Variants in KDM6B observed in about 807,000 individuals in gnomAD.
KDM6B encodes the protein lysine-specific demethylase 6B.
A neutral mutation model predicts 150.4 loss-of-function variants in KDM6B; 22 were observed. The ratio of observed to expected loss-of-function variants is 0.15; its 90% confidence interval spans 0.10 to 0.21. The LOEUF is 0.21. Ranked by LOEUF, KDM6B falls within the 10% of genes least tolerant of loss-of-function variation. The pLI, the probability that KDM6B is intolerant of heterozygous loss-of-function variation, is 1.00. For synonymous variants in KDM6B, 1,148 were observed against 921.1 expected, an observed-to-expected ratio of 1.25 and a Z score of -4.46; for missense variants, 1,984 against 2,234.3, an observed-to-expected ratio of 0.89 and a Z score of 2.26.
intron 1 of KDM6B, among the ~76,000 whole-genome samples, chr17:7,838,588 A>G (rs561298264): frequency 1.3e-4 from 13 of 102,730 alleles, no homozygotes; most frequent in Non-Finnish European, 2.6e-4. Context: ...TCTGTTGTCC[A>G]GACACCCCTC....
chr17:7,845,907 C>G lies in KDM6B; in HGVS notation c.173C>G (p.Ala58Gly), dbSNP rs200483669. ...AGCATTGGGCAGCCCCCGCTTCCTG[C>G]TCCCCTACCCCCTTCACATGGCAGT... ...SASIGQPPLPAPLPPSHGSSS... is the reference protein window; with the variant it reads ...SASIGQPPLPGPLPPSHGSSS... Residue 58 changes from alanine (A) to glycine (G), a missense_variant, in exon 6 of 24, where the codon GCT becomes GGT. By Grantham distance (60) the Ala-to-Gly change is moderately conservative. Around this residue, in one of 13 missense-constraint regions of KDM6B, gnomAD observed 337 missense variants for 323.9 expected, o/e 1.04. Coordinates refer to ENST00000448097, the MANE Select transcript of KDM6B (RefSeq NM_001348716.2). The G allele has an allele frequency of 4.3e-6, 7 of 1,614,106 alleles. No individual in the cohort carries two copies. The Admixed American group carries it at 1.2e-4, about 27-fold the overall frequency.
intron 1 of KDM6B, among the ~76,000 whole-genome samples, chr17:7,836,151 G>A (rs2078330566): frequency 6.6e-6 from 1 of 152,256 alleles, no homozygotes; most frequent in Admixed American, 6.5e-5. Flanking sequence ...GCGGAGGAGG[G>A]CACTGCGGGG....
In KDM6B at chr17:7,844,991, G is replaced by GATTAGTT; in HGVS notation, c.-178_-177insATTAGTT. On this transcript the variant is annotated 5_prime_UTR_variant, in exon 3 of 24. Transcript: ENST00000448097. This position sits in a 1 kb window ranked among gnomAD's most constrained non-coding sequence, Gnocchi z 5.9. ...GGCCAGATCTCTGGAGCTTGCCGACGCGGTGTGAGGACGCTCCCACGGAGG... is the reference window on the plus strand; with the variant it reads ...GGCCAGATCTCTGGAGCTTGCCGACGATTAGTTCGGTGTGAGGACGCTCCCACGGAGG... The GATTAGTT allele has an allele frequency of 5.4e-6, 1 of 183,582 alleles. No individual in the cohort carries two copies. Among genetic ancestry groups the GATTAGTT allele is most frequent in the Non-Finnish European group, 1.2e-5 (1 of 84,058 alleles). The allele number at this position is 183,582 out of a possible 1,614,324, so 11.4% of individuals were successfully genotyped here.
chr17:7,849,570 A>C lies in KDM6B; in HGVS notation c.3282A>C (p.Ser1094=), dbSNP rs539166195. 2 of 1,612,774 alleles carry C rather than the reference A, an allele frequency of 1.2e-6. No individual in the cohort carries two copies. The highest frequency in any genetic ancestry group is 1.7e-6 in the Non-Finnish European group (2 of 1,179,978). The change falls in exon 12 of 24, where the codon TCA becomes TCC. Residue 1094 remains serine (S), a synonymous_variant. Coordinates refer to ENST00000448097, the MANE Select transcript of KDM6B (RefSeq NM_001348716.2). ...GGGCCGACATGCTGAAGCTGCGCTC[A>C]CTTAGTGAGGGGCCCCCCAAGGAGC... The part of the protein sequence containing the change: ...VSRADMLKLR[S]LSEGPPKELK...
chr17:7,841,566 T>A (rs1347562718), intron 2 of KDM6B, among the ~76,000 whole-genome samples: 1 of 148,784 alleles, frequency 6.7e-6, no homozygotes, highest in African/African-American at 2.5e-5. Context: ...CCCCGCGGAG[T>A]CATGTAGACA....
chr17:7,841,980 C>T (rs11657063), intron 2 of KDM6B, among the ~76,000 whole-genome samples: 14,208 of 152,234 alleles, frequency 0.093, 918 homozygotes, highest in Admixed American at 0.15. Flanking sequence ...CGGGTTGCGA[C>T]GAGGGTCCTG....
At position 7,853,367 on chromosome 17, in the gene KDM6B, A is replaced by G. The variant is rs866817393; in HGVS notation, c.4895A>G (p.Asp1632Gly). 1 of 1,552,466 alleles carries G rather than the reference A, an allele frequency of 6.4e-7. No individual in the cohort carries two copies. The highest frequency in any genetic ancestry group is 1.4e-5 in the African/African-American group (1 of 73,654). ...ACTGAGGAGCTGGCTCAGGCCTACG[A>G]CGCCTTCACGCTGGTGAGGGCCCGG... ...YRTEELAQAY[D>G]AFTLAPASTS... The change falls in exon 23 of 24, where the codon GAC becomes GGC. Residue 1632 changes from aspartate (D) to glycine (G), a missense_variant. This residue lies in a region of KDM6B where 58 missense variants were observed against 76.4 expected (regional missense o/e 0.76). Transcript: ENST00000448097.
chr17:7,841,741 A>G (rs2078417748), intron 2 of KDM6B, among the ~76,000 whole-genome samples: 1 of 152,190 alleles, frequency 6.6e-6, no homozygotes. Context: ...GCCTGCAGTG[A>G]CACATAGCGG....
rs1284488854 is a variant in KDM6B, at chr17:7,848,002, C to T, written c.1714C>T (p.Pro572Ser). 2 of 1,610,534 alleles carry T rather than the reference C, an allele frequency of 1.2e-6. No individual in the cohort carries two copies. The highest frequency in any genetic ancestry group is 2.2e-5 in the East Asian group (1 of 44,698). ...CAGCCCTGCTGGGCCTGTGTCCTTT[C>T]CCCCACCACCCTATCTGGCCAGAAG... ...SSSPAGPVSF[P>S]PPPYLARSID... The change falls in exon 12 of 24, where the codon CCC becomes TCC. Residue 572 changes from proline (P) to serine (S), a missense_variant. Physicochemically the swap from Pro to Ser is moderately conservative, Grantham distance 74. This residue lies in a region of KDM6B where 1,379 missense variants were observed against 1,275.6 expected (regional missense o/e 1.08). Coordinates refer to ENST00000448097, the MANE Select transcript of KDM6B (RefSeq NM_001348716.2).
At chr17:7,851,912 G>A (rs777130537) in intron 18 of KDM6B, 39 bp from the exon 19 acceptor site, 1 of 1,608,828 alleles carries the variant, frequency 6.2e-7, no homozygotes, top group Admixed American at 1.7e-5. Flanking sequence ...TCGCAGTTCC[G>A]ACCTGGCCAG....
chr17:7,842,944 AGTGT>A (rs1291029709), intron 2 of KDM6B, among the ~76,000 whole-genome samples: 1 of 151,972 alleles, frequency 6.6e-6, no homozygotes, highest in Non-Finnish European at 1.5e-5. Flanking sequence ...GGCGAGAATG[AGTGT>A]GTGTTTAGTG....
rs765171715 is a variant in KDM6B, at chr17:7,847,391, G to C, written c.1196G>C (p.Ser399Thr). 7 of 1,613,142 alleles carry C rather than the reference G, an allele frequency of 4.3e-6. No individual in the cohort carries two copies. In the East Asian group the frequency reaches 6.7e-5, roughly 15 times the overall value. ...CCTGGCCTCCCCGGCACCACCACCA[G>C]CAGCAGCAGTAGCAGCAGCAGCAAC... ...RPPGLPGTTTSSSSSSSSNTG... is the reference protein window; with the variant it reads ...RPPGLPGTTTTSSSSSSSNTG... The change falls in exon 11 of 24, where the codon AGC becomes ACC. Residue 399 changes from serine (S) to threonine (T), a missense_variant. Physicochemically the swap from Ser to Thr is moderately conservative, Grantham distance 58. Coordinates refer to ENST00000448097, the MANE Select transcript of KDM6B (RefSeq NM_001348716.2).
chr17:7,835,383 G>C (rs965652427), intron 1 of KDM6B, among the ~76,000 whole-genome samples: 2 of 152,066 alleles, frequency 1.3e-5, no homozygotes, highest in African/African-American at 4.8e-5. Flanking sequence ...CTGGTTCCCG[G>C]GACAGGAAGA....
In KDM6B at chr17:7,847,213, C is replaced by T. The variant is rs1217851300; in HGVS notation, c.1018C>T (p.Arg340Cys). Reference sequence around the variant, plus strand: ...GGCTGCTCCCCCAGGCCCAGGCCCCCGCCCCCCAGGAGCAGAGAGCCATGG... The same window carrying T: ...GGCTGCTCCCCCAGGCCCAGGCCCCTGCCCCCCAGGAGCAGAGAGCCATGG... ...VPAAPPGPGP[R>C]PPGAESHGCL... The change falls in exon 11 of 24, where the codon CGC becomes TGC. Residue 340 changes from arginine (R) to cysteine (C), a missense_variant. Coordinates refer to ENST00000448097, the MANE Select transcript of KDM6B (RefSeq NM_001348716.2). The T allele has an allele frequency of 6.3e-6, 10 of 1,597,452 alleles. No individual in the cohort carries two copies. Among genetic ancestry groups the T allele is most frequent in the South Asian group, 3.3e-5 (3 of 90,970 alleles).
In KDM6B at chr17:7,848,793, T is replaced by G; in HGVS notation, c.2505T>G (p.Thr835=). ...VSTRPGPLPT[T]QYSPGPPSGA... is the part of the protein sequence containing the mutation. ...CCCGGCCTGGGCCCTTGCCCACCAC[T>G]CAGTATTCCCCTGGCCCCCCATCAG... is the stretch of plus-strand genomic sequence containing the variant. The change falls in exon 12 of 24, where the codon ACT becomes ACG. Residue 835 remains threonine (T), a synonymous_variant. Coordinates refer to ENST00000448097, the MANE Select transcript of KDM6B (RefSeq NM_001348716.2). The G allele has an allele frequency of 6.2e-7, 1 of 1,612,492 alleles. No individual in the cohort carries two copies.
At chr17:7,836,078 A>G (rs1261393216) in intron 1 of KDM6B, among the ~76,000 whole-genome samples, 1 of 152,124 alleles carries the variant, frequency 6.6e-6, no homozygotes, top group Non-Finnish European at 1.5e-5. Flanking sequence ...CCCAAGAGAA[A>G]GCGAGCGGGT....
rs1206713691 is a variant in KDM6B, at chr17:7,844,679, C to G, written c.-268-222C>G. On this transcript the variant is annotated intron_variant, in intron 2 of 23. Coordinates refer to ENST00000448097, the MANE Select transcript of KDM6B (RefSeq NM_001348716.2). This position sits in a 1 kb window ranked among gnomAD's most constrained non-coding sequence, Gnocchi z 5.9. ...TTGCGGGTAGCGCCGGCCCCCACGC[C>G]GGCCGGAGCATGCGACTAACCGGCC... Among the ~76,000 whole-genome samples the G allele has an allele frequency of 6.6e-6, 1 of 152,216 alleles. No individual in the cohort carries two copies. Among genetic ancestry groups the G allele is most frequent in the Non-Finnish European group, 1.5e-5 (1 of 68,028 alleles).
At chr17:7,836,405 C>G (rs2078334276) in intron 1 of KDM6B, among the ~76,000 whole-genome samples, 1 of 152,216 alleles carries the variant, frequency 6.6e-6, no homozygotes, top group African/African-American at 2.4e-5. Flanking sequence ...ACTCCACAGA[C>G]TCCGCCCTGG....
At position 7,847,007 on chromosome 17, in the gene KDM6B, A is replaced by G. The variant is rs747283632; in HGVS notation, c.900A>G (p.Pro300=). Residue 300 remains proline (P), a synonymous_variant, in exon 10 of 24, where the codon CCA becomes CCG. Coordinates refer to ENST00000448097, the MANE Select transcript of KDM6B (RefSeq NM_001348716.2). The part of the protein sequence containing the change: ...WGPERKGSAP[P]ERQEQRHSLP... ...CAGAGCGCAAGGGTTCAGCACCCCCAGAGCGCCAGGTGAGCCCCTGCCTGT... is the reference window on the plus strand; with the variant it reads ...CAGAGCGCAAGGGTTCAGCACCCCCGGAGCGCCAGGTGAGCCCCTGCCTGT... 4 of 1,613,436 alleles carry G rather than the reference A, an allele frequency of 2.5e-6. No individual in the cohort carries two copies. In the Admixed American group the frequency reaches 5.0e-5, roughly 20 times the overall value.
Sources: allele counts gnomAD v4.1 joint callset (sites outside exome capture counted in the v4.1 genomes callset), GRCh38; gene constraint gnomAD v4.1.1; regional missense constraint gnomAD v4.1.1; non-coding constraint Gnocchi (gnomAD v3.1); transcripts MANE v1.5; gene names NCBI Gene and HGNC (gene_info 2026-07-23, HGNC 2026-07-21).